Variants in CSMD3 observed in about 807,000 individuals in gnomAD.
The protein encoded by CSMD3 is CUB and sushi domain-containing protein 3.
CSMD3 carries 177 observed loss-of-function variants against 435.2 expected under a neutral mutation model. The ratio of observed to expected loss-of-function variants is 0.41; its 90% CI spans 0.36 to 0.46. The LOEUF is 0.46. Among genes scored for constraint, CSMD3 ranks in the 20% least tolerant of loss-of-function variants. The pLI is 0.34. For synonymous variants in CSMD3, 1,656 were observed against 1,520.5 expected (o/e 1.09, Z -2.07); for missense variants, 4,265 against 4,504.6 (o/e 0.95, Z 1.52).
chr8:113,372,810 T>C (rs2094354677), intron 1 of CSMD3, among the ~76,000 whole-genome samples: 1 of 151,798 alleles, frequency 6.6e-6, no homozygotes, highest in Admixed American at 6.6e-5. Context: ...GGCGGGCGCC[T>C]GTAGTCCCAG....
intron 4 of CSMD3, among the ~76,000 whole-genome samples, chr8:113,104,487 C>T (rs904406214): frequency 6.6e-6 from 1 of 152,102 alleles, no homozygotes; most frequent in Non-Finnish European, 1.5e-5. Flanking sequence ...ACTGCCTCTA[C>T]TTACATTTAA....
chr8:112,988,336 C>T (rs1324085444), intron 6 of CSMD3, among the ~76,000 whole-genome samples: 2 of 152,024 alleles, frequency 1.3e-5, no homozygotes, highest in African/African-American at 4.8e-5. Flanking sequence ...AATTTCACAC[C>T]TGTTTAATGT....
intron 13 of CSMD3, among the ~76,000 whole-genome samples, chr8:112,712,698 A>G (rs190418050): frequency 6.6e-6 from 1 of 152,224 alleles, no homozygotes; most frequent in Admixed American, 6.5e-5. Context: ...AATATTTGCT[A>G]GTCCATAAGT....
chr8:112,474,983 G>A (rs1417276711), intron 31 of CSMD3, among the ~76,000 whole-genome samples: 1 of 152,124 alleles, frequency 6.6e-6, no homozygotes, highest in Non-Finnish European at 1.5e-5. Context: ...GAGCAGTCAG[G>A]TGTTATTCTT....
chr8:112,698,902 T>C (rs745921801), intron 13 of CSMD3, among the ~76,000 whole-genome samples: 8 of 152,070 alleles, frequency 5.3e-5, no homozygotes, highest in Non-Finnish European at 1.2e-4. Context: ...GGTTTGTAAA[T>C]GCACCAATCA....
At chr8:113,170,636 A>G (rs1433268845) in intron 4 of CSMD3, among the ~76,000 whole-genome samples, 1 of 152,134 alleles carries the variant, frequency 6.6e-6, no homozygotes, top group Non-Finnish European at 1.5e-5. Flanking sequence ...ATCATCATAC[A>G]TTACTGCAAT....
At chr8:112,632,992 A>C (rs12547356) in intron 22 of CSMD3, among the ~76,000 whole-genome samples, 72,944 of 151,662 alleles carry the variant, frequency 0.48, 18,115 homozygotes, top group African/African-American at 0.58. Flanking sequence ...TTTTCCCAAA[A>C]TGTGAAGTAT....
intron 9 of CSMD3, among the ~76,000 whole-genome samples, chr8:112,926,990 G>A (rs894483304): frequency 2.0e-5 from 3 of 152,000 alleles, no homozygotes; most frequent in African/African-American, 7.2e-5. Context: ...CATGACAGAT[G>A]ATCTAAAAAT....
At chr8:112,590,934 T>C (rs946933168) in intron 22 of CSMD3, among the ~76,000 whole-genome samples, 2 of 152,102 alleles carry the variant, frequency 1.3e-5, no homozygotes, top group East Asian at 3.9e-4. Flanking sequence ...AAGGATTTCC[T>C]ACAAAATAAT....
intron 1 of CSMD3, among the ~76,000 whole-genome samples, chr8:113,432,230 G>A (rs1480781449): frequency 6.6e-6 from 1 of 152,124 alleles, no homozygotes; most frequent in Non-Finnish European, 1.5e-5. Flanking sequence ...GTCCAGTGAA[G>A]TTCAGCTCCG....
intron 38 of CSMD3, among the ~76,000 whole-genome samples, chr8:112,370,038 A>AGAGGAAGAAGAG (rs1475752914): frequency 9.7e-4 from 55 of 56,938 alleles, no homozygotes; most frequent in Admixed American, 1.5e-3. Flanking sequence ...AAGAAGAAGA[A>AGAGGAAGAAGAG]GAAGAAGAAG....
intron 1 of CSMD3, among the ~76,000 whole-genome samples, chr8:113,324,458 T>G (rs1294596422): frequency 6.6e-6 from 1 of 152,106 alleles, no homozygotes; most frequent in Admixed American, 6.5e-5. Context: ...CTTCAGAGAA[T>G]GGAAGCTCCA....
intron 24 of CSMD3, among the ~76,000 whole-genome samples, chr8:112,559,028 G>A (rs1828378276): frequency 6.6e-6 from 1 of 151,812 alleles, no homozygotes; most frequent in South Asian, 2.1e-4. Context: ...CTTCCCACGT[G>A]TTGTCATTCT....
intron 30 of CSMD3, among the ~76,000 whole-genome samples, chr8:112,495,306 C>A (rs1375579366): frequency 6.6e-6 from 1 of 152,154 alleles, no homozygotes; most frequent in Non-Finnish European, 1.5e-5. Context: ...AAGGATTAAT[C>A]TCGTTGACAA....
At chr8:113,109,448 G>T (rs1161647359) in intron 4 of CSMD3, among the ~76,000 whole-genome samples, 2 of 152,172 alleles carry the variant, frequency 1.3e-5, no homozygotes, top group Non-Finnish European at 2.9e-5. Context: ...AAATACAATG[G>T]TCAGACAGAC....
intron 35 of CSMD3, among the ~76,000 whole-genome samples, chr8:112,399,241 A>C (rs1831113988): frequency 6.8e-6 from 1 of 147,560 alleles, no homozygotes; most frequent in Non-Finnish European, 1.5e-5. Context: ...GAAAGTTTTT[A>C]AAATATAGAA....
At chr8:113,404,509 C>T (rs1438365444) in intron 1 of CSMD3, among the ~76,000 whole-genome samples, 2 of 151,294 alleles carry the variant, frequency 1.3e-5, no homozygotes, top group African/African-American at 4.8e-5. Flanking sequence ...AGTCCTCAAT[C>T]CATATCTTTT....
At chr8:112,676,516 A>T (rs2131749936) in intron 16 of CSMD3, among the ~76,000 whole-genome samples, 1 of 152,212 alleles carries the variant, frequency 6.6e-6, no homozygotes, top group South Asian at 2.1e-4. Flanking sequence ...ATTGAGGAAA[A>T]TTTGATTTTA....
At chr8:112,297,110 G>A (rs1820370924) in intron 53 of CSMD3, among the ~76,000 whole-genome samples, 1 of 147,378 alleles carries the variant, frequency 6.8e-6, no homozygotes, top group Admixed American at 6.7e-5. Context: ...CCTTCCCACG[G>A]ATTTTTTTTT....
Sources: gnomAD v4.1 joint callset for allele counts (sites outside exome capture counted in the v4.1 genomes callset) on GRCh38, gnomAD v4.1.1 for gene constraint, MANE v1.5 for transcripts, NCBI Gene and HGNC (gene_info 2026-07-23, HGNC 2026-07-21) for gene names.